Variants in NOS1AP observed in about 807,000 individuals in gnomAD.
NOS1AP encodes nitric oxide synthase 1 adaptor protein.
A neutral mutation model predicts 56.2 loss-of-function variants in NOS1AP; 21 were observed. That is an observed-to-expected ratio of 0.37 (90% confidence interval 0.26 to 0.54). The LOEUF (loss-of-function observed/expected upper bound fraction) is 0.54. Ranked by LOEUF, NOS1AP falls within the 20% of genes least tolerant of loss-of-function variation. The pLI, the probability that NOS1AP is intolerant of heterozygous loss-of-function variation, is 0.84. For synonymous variants in NOS1AP, 270 were observed against 274.6 expected (o/e 0.98, Z 0.17); for missense variants, 522 against 657.8 (o/e 0.79, Z 2.26).
At chr1:162,078,060 C>T (rs191281816) in intron 1 of NOS1AP, among the ~76,000 whole-genome samples, 1 of 152,308 alleles carries the variant, frequency 6.6e-6, no homozygotes, top group Admixed American at 6.5e-5. Context: ...GTCAGCCAGC[C>T]CCTTGCCCCT....
At chr1:162,272,040 A>G (rs1262714224) in intron 2 of NOS1AP, among the ~76,000 whole-genome samples, 1 of 151,954 alleles carries the variant, frequency 6.6e-6, no homozygotes, top group East Asian at 1.9e-4. Flanking sequence ...TTTTGTAGAC[A>G]CAGGGTCTCA....
intron 5 of NOS1AP, among the ~76,000 whole-genome samples, chr1:162,335,384 T>A (rs1656906110): frequency 6.6e-6 from 1 of 152,256 alleles, no homozygotes; most frequent in Non-Finnish European, 1.5e-5. Context: ...AGTGAATTGT[T>A]CGGCAAAGGA....
chr1:162,135,330 A>T (rs772330747), intron 1 of NOS1AP, among the ~76,000 whole-genome samples: 8 of 152,322 alleles, frequency 5.3e-5, no homozygotes, highest in Non-Finnish European at 1.2e-4. Flanking sequence ...GACAGTGTGG[A>T]TACTGAGTAT....
intron 2 of NOS1AP, among the ~76,000 whole-genome samples, chr1:162,164,857 G>A (rs929217834): frequency 6.6e-6 from 1 of 152,140 alleles, no homozygotes; most frequent in Non-Finnish European, 1.5e-5. Context: ...CGGATCTGCT[G>A]GGAGCGCAAA....
chr1:162,365,295 A>T, intron 8 of NOS1AP, 109 bp from the exon 9 acceptor site: 1 of 1,580,580 alleles, frequency 6.3e-7, no homozygotes, highest in Non-Finnish European at 8.6e-7. Flanking sequence ...TCTTGAACTG[A>T]ATGTGGAGGG....
chr1:162,129,276 AT>A (rs1648637885), intron 1 of NOS1AP, among the ~76,000 whole-genome samples: 1 of 151,926 alleles, frequency 6.6e-6, no homozygotes, highest in Non-Finnish European at 1.5e-5. Context: ...GCCTTGTGTT[AT>A]TGTATAACTG....
intron 1 of NOS1AP, among the ~76,000 whole-genome samples, chr1:162,074,989 G>T (rs1280915603): frequency 6.6e-6 from 1 of 152,150 alleles, no homozygotes; most frequent in African/African-American, 2.4e-5. Context: ...GCCACATCCT[G>T]TTGGTCAAAA....
intron 1 of NOS1AP, among the ~76,000 whole-genome samples, chr1:162,125,793 T>G (rs1256537013): frequency 6.6e-6 from 1 of 152,200 alleles, no homozygotes; most frequent in Non-Finnish European, 1.5e-5. Flanking sequence ...GGATTGTTTT[T>G]TCTAATTCTG....
intron 1 of NOS1AP, among the ~76,000 whole-genome samples, chr1:162,153,179 A>G (rs1027632676): frequency 6.6e-6 from 1 of 152,234 alleles, no homozygotes; most frequent in African/African-American, 2.4e-5. Flanking sequence ...CCTGGGCTAG[A>G]GTGCCATGGC....
intron 1 of NOS1AP, among the ~76,000 whole-genome samples, chr1:162,118,064 A>G (rs1190017619): frequency 6.6e-6 from 1 of 152,264 alleles, no homozygotes; most frequent in African/African-American, 2.4e-5. Flanking sequence ...TAAAAAGATT[A>G]TGAAATGTTT....
intron 7 of NOS1AP, among the ~76,000 whole-genome samples, chr1:162,356,128 G>A (rs184691460): frequency 2.2e-4 from 33 of 152,250 alleles, no homozygotes; most frequent in Non-Finnish European, 4.0e-4. Context: ...GCTGCCTGAC[G>A]TTTCCTTTGG....
At chr1:162,346,972 C>A (rs760609341) in intron 6 of NOS1AP, among the ~76,000 whole-genome samples, 3 of 152,132 alleles carry the variant, frequency 2.0e-5, no homozygotes. Flanking sequence ...TTTTCCATCT[C>A]TGTGATCTAG....
intron 2 of NOS1AP, among the ~76,000 whole-genome samples, chr1:162,170,032 T>C (rs1445095496): frequency 6.6e-6 from 1 of 152,204 alleles, no homozygotes; most frequent in African/African-American, 2.4e-5. Context: ...TCCTCTCACC[T>C]ATAGTGCACC....
At chr1:162,263,448 C>A (rs1307584629) in intron 2 of NOS1AP, among the ~76,000 whole-genome samples, 1 of 152,152 alleles carries the variant, frequency 6.6e-6, no homozygotes, top group Admixed American at 6.5e-5. Context: ...CCATTAGGCC[C>A]CACCTCCTAA....
At chr1:162,251,868 T>C (rs867422750) in intron 2 of NOS1AP, among the ~76,000 whole-genome samples, 4 of 76,426 alleles carry the variant, frequency 5.2e-5, no homozygotes, top group Non-Finnish European at 1.2e-4. Context: ...TTTTTTTTTT[T>C]GTTTTTTTTT....
At position 162,329,692 on chromosome 1, in the gene NOS1AP, AG is replaced by A. The variant is rs374853760; in HGVS notation, c.345-3322del. 1.2e-3 allele frequency among the ~76,000 whole-genome samples: 188 copies of A among 152,300 alleles called. 2 individuals carry two copies. Among genetic ancestry groups the A allele is most frequent in the African/African-American group, 4.1e-3 (169 of 41,562 alleles). ...AAGAAAACCAAGTAATGGAGAAATA[AG>A]GGTTCTTGGAATGTATTTCTTGATC... On this transcript the variant is annotated intron_variant, in intron 4 of 9. Transcript: ENST00000361897.
intron 3 of NOS1AP, among the ~76,000 whole-genome samples, chr1:162,298,078 C>A (rs765268778): frequency 6.6e-6 from 1 of 152,226 alleles, no homozygotes; most frequent in Non-Finnish European, 1.5e-5. Context: ...TCCACAATAA[C>A]CACTCTCTTC....
chr1:162,349,510 ACT>A (rs1398753644), intron 6 of NOS1AP, among the ~76,000 whole-genome samples: 8 of 152,032 alleles, frequency 5.3e-5, no homozygotes, highest in Non-Finnish European at 1.0e-4. Context: ...TTGAATCCTG[ACT>A]CTACCACCTT....
intron 2 of NOS1AP, among the ~76,000 whole-genome samples, chr1:162,262,824 T>TCCCCCC (rs1227528620): frequency 4.6e-5 from 7 of 152,240 alleles, no homozygotes; most frequent in Admixed American, 1.3e-4. Context: ...CAGACTCATT[T>TCCCCCC]ATCGAGCCCT....
Sources: gnomAD v4.1 joint callset for allele counts (sites outside exome capture counted in the v4.1 genomes callset) on GRCh38, gnomAD v4.1.1 for gene constraint, MANE v1.5 for transcripts, NCBI Gene and HGNC (gene_info 2026-07-23, HGNC 2026-07-21) for gene names.